The following ATRIP variants were observed in gnomAD, a reference collection of about 807,000 sequenced individuals.
ATRIP encodes the protein ATR-interacting protein.
Under a neutral mutation model 78.1 loss-of-function variants are expected in ATRIP, and 44 were observed. The observed-to-expected ratio is 0.56, with a 90% CI of 0.44 to 0.72. ATRIP has a LOEUF of 0.72. ATRIP is among the 30% of genes least tolerant of loss of function. The pLI, the probability that ATRIP is intolerant of heterozygous loss-of-function variation, is 0.00. For synonymous variants in ATRIP, 388 were observed against 408.9 expected, an observed-to-expected ratio of 0.95 and a Z score of 0.62; for missense variants, 927 against 980.2, an observed-to-expected ratio of 0.95 and a Z score of 0.72.
At chr3:48,454,445 C>A in intron 4 of ATRIP, 27 bp downstream of exon 4, 2 of 1,544,782 alleles carry the variant, frequency 1.3e-6, no homozygotes, top group South Asian at 2.2e-5. Flanking sequence ...AGGGATAGTT[C>A]AGTTTTGCAT....
chr3:48,451,044 C>G (rs993848174), intron 2 of ATRIP, among the ~76,000 whole-genome samples: 2 of 151,592 alleles, frequency 1.3e-5, no homozygotes, highest in Non-Finnish European at 2.9e-5. Context: ...CAAAAATTAG[C>G]TAGGCATGGT....
intron 3 of ATRIP, among the ~76,000 whole-genome samples, chr3:48,453,814 C>T (rs970232618): frequency 6.6e-6 from 1 of 152,214 alleles, no homozygotes; most frequent in Non-Finnish European, 1.5e-5. Flanking sequence ...TTACACTCAT[C>T]ATTCTACTTA....
intron 5 of ATRIP, 39 bp from the exon 6 acceptor site, chr3:48,459,320 C>T: frequency 6.4e-7 from 1 of 1,551,916 alleles, no homozygotes; most frequent in Non-Finnish European, 8.9e-7. Flanking sequence ...GCCCATGCTT[C>T]TGGGCTCAAG....
At position 48,446,803 on chromosome 3, in the gene ATRIP, A is replaced by T. The variant is rs2039683251; in HGVS notation, c.-43A>T. On this transcript the variant is annotated 5_prime_UTR_variant, in exon 1 of 13. In the 5' UTR this introduces an upstream ATG that the reference lacks. Coordinates refer to ENST00000320211, the MANE Select transcript of ATRIP (RefSeq NM_130384.3). ...CAGTTCTCCGGCCTGGCGGCAGGCAAGTCTAGCTCGGCGCTGTCGGATACT... is the reference window on the plus strand; with the variant it reads ...CAGTTCTCCGGCCTGGCGGCAGGCATGTCTAGCTCGGCGCTGTCGGATACT... 1 of 1,366,892 alleles carries T rather than the reference A, an allele frequency of 7.3e-7. No homozygotes were observed. 84.7% of individuals were successfully genotyped at this position (1,366,892 alleles called of 1,614,324 possible). A position where few individuals can be genotyped will look rare whatever the true frequency, so the allele number is the denominator to read the frequency against.
Position 48,449,573 on chromosome 3 carries a change from C to T in ATRIP, c.248-464C>T, listed in dbSNP as rs188687260. 2.0e-5 allele frequency among the ~76,000 whole-genome samples: 3 copies of T among 151,198 alleles called. No individual in the cohort carries two copies. The East Asian group carries it at 5.8e-4, about 29-fold the overall frequency. On this transcript the variant is annotated intron_variant, in intron 1 of 12. Transcript: ENST00000320211. ...GCAAAGGCAGGAGGATTGCTTAAGCCCAGGAGTTCAAGACCAACCTGGGCA... is the reference window on the plus strand; with the variant it reads ...GCAAAGGCAGGAGGATTGCTTAAGCTCAGGAGTTCAAGACCAACCTGGGCA...
In ATRIP at chr3:48,467,517, C is replaced by T; in HGVS notation, c.*1963C>T. 6.2e-7 allele frequency: 1 copy of T among 1,613,742 alleles called. No individual in the cohort carries two copies. The highest frequency in any genetic ancestry group is 8.5e-7 in the Non-Finnish European group (1 of 1,179,804). On this transcript the variant is annotated 3_prime_UTR_variant, in exon 13 of 13. Coordinates refer to ENST00000320211, the MANE Select transcript of ATRIP (RefSeq NM_130384.3). ...TGGAGCCCTATCCAGGGAGGGGCTG[C>T]TGGCCCCACTGGGTCTGCTGGCCAT...
chr3:48,454,042 T>C (rs528395636), intron 3 of ATRIP, among the ~76,000 whole-genome samples: 4 of 152,294 alleles, frequency 2.6e-5, no homozygotes, highest in East Asian at 3.9e-4. Flanking sequence ...ATTACAGGCC[T>C]GAACCACCAC....
chr3:48,462,816 A>C (rs1188162955), intron 8 of ATRIP, among the ~76,000 whole-genome samples: 1 of 152,234 alleles, frequency 6.6e-6, no homozygotes, highest in African/African-American at 2.4e-5. Flanking sequence ...TGGACATCTT[A>C]CAGCCCAATA....
intron 5 of ATRIP, among the ~76,000 whole-genome samples, 180 bp from the exon 6 acceptor site, chr3:48,459,179 G>A (rs1328453502): frequency 2.6e-5 from 4 of 152,170 alleles, no homozygotes; most frequent in African/African-American, 9.7e-5. Flanking sequence ...TTCCTTGTAT[G>A]AGTTCCTGTT....
At chr3:48,459,274 T>G in intron 5 of ATRIP, 85 bp from the exon 6 acceptor site, 2 of 1,109,584 alleles carry the variant, frequency 1.8e-6, no homozygotes, top group Non-Finnish European at 1.4e-6. Context: ...GAACAGCGTG[T>G]GTTTTAAACT....
intron 2 of ATRIP, 23 bp downstream of exon 2, chr3:48,450,193 T>C (rs761952854): frequency 3.8e-6 from 6 of 1,598,006 alleles, no homozygotes; most frequent in Non-Finnish European, 5.1e-6. Context: ...ACTTGTGGTT[T>C]TTGTAGCTAA....
chr3:48,467,288 AC>A lies in ATRIP; in HGVS notation c.*1736del, dbSNP rs756664985. On this transcript the variant is annotated 3_prime_UTR_variant, in exon 13 of 13. Transcript: ENST00000320211. ...CCCTGCTCAGCATCTGTCAGTGGAG[AC>A]CACAGGCCCTGCTGCGGTGGGTGGA... 3 of 1,613,966 alleles carry A rather than the reference AC, an allele frequency of 1.9e-6. No homozygotes were observed. The highest frequency in any genetic ancestry group is 2.5e-6 in the Non-Finnish European group (3 of 1,180,022).
chr3:48,466,510 G>A lies in ATRIP; in HGVS notation c.*956G>A, dbSNP rs760207170. The A allele has an allele frequency of 9.3e-6, 15 of 1,613,926 alleles. No individual in the cohort carries two copies. The highest frequency in any genetic ancestry group is 1.3e-5 in the Non-Finnish European group (15 of 1,179,974). ...CTGAAAATGGGCCCTGGAGCTCGCAGACAGGGCAGGATTGTGCAGGGAAGG... is the reference window on the plus strand; with the variant it reads ...CTGAAAATGGGCCCTGGAGCTCGCAAACAGGGCAGGATTGTGCAGGGAAGG... On this transcript the variant is annotated 3_prime_UTR_variant, in exon 13 of 13. Transcript: ENST00000320211.
At position 48,464,928 on chromosome 3, in the gene ATRIP, G is replaced by A. The variant is rs533749134; in HGVS notation, c.2153G>A (p.Arg718His). Residue 718 changes from arginine to histidine, a missense_variant, in exon 12 of 13, where the codon CGC (arginine) becomes CAC (histidine). By Grantham distance (29) the Arg-to-His change is conservative (BLOSUM62 0). Coordinates refer to ENST00000320211, the MANE Select transcript of ATRIP (RefSeq NM_130384.3). ...ACCGACCAGCAGAGGCGGACAGTGC[G>A]CTGTCTGCGGGACACGGTGCTGCTG... ...PRTDQQRRTV[R>H]CLRDTVLLLH... 3.7e-5 allele frequency: 59 copies of A among 1,614,166 alleles called. No individual in the cohort carries two copies. Among genetic ancestry groups the A allele is most frequent in the Middle Eastern group, 1.6e-4 (1 of 6,062 alleles).
intron 10 of ATRIP, 62 bp downstream of exon 10, chr3:48,464,194 C>T: frequency 7.2e-7 from 1 of 1,389,402 alleles, no homozygotes; most frequent in Non-Finnish European, 1.0e-6. Context: ...CCAACAGAAT[C>T]TCCTTTCTTT....
intron 3 of ATRIP, among the ~76,000 whole-genome samples, chr3:48,454,000 TC>T (rs1432956420): frequency 6.6e-6 from 1 of 152,094 alleles, no homozygotes; most frequent in African/African-American, 2.4e-5. Flanking sequence ...GCTCAAATGA[TC>T]CTCCCGCCTC....
chr3:48,446,888 C>A lies in ATRIP; in HGVS notation c.43C>A (p.Pro15Thr). ...SAPGSKRRSEPPAPRPGPPPG... is the reference protein window; with the variant it reads ...SAPGSKRRSETPAPRPGPPPG... ...GCCAGGCAGCAAGAGGCGGAGCGAG[C>A]CCCCGGCGCCTCGCCCCGGCCCGCC... Residue 15 changes from proline (P) to threonine (T), a missense_variant, in exon 1 of 13, where the codon CCC becomes ACC. Transcript: ENST00000320211. 2.1e-6 allele frequency: 3 copies of A among 1,395,958 alleles called. No individual in the cohort carries two copies. Among genetic ancestry groups the A allele is most frequent in the Middle Eastern group, 2.5e-4 (1 of 3,958 alleles). 86.5% of individuals were successfully genotyped at this position (1,395,958 alleles called of 1,614,324 possible). A position where few individuals can be genotyped will look rare whatever the true frequency, so the allele number is the denominator to read the frequency against.
Position 48,446,879 on chromosome 3 carries a change from C to G in ATRIP, c.34C>G (p.Arg12Gly). 7.1e-7 allele frequency: 1 copy of G among 1,400,376 alleles called. No homozygotes were observed. Among genetic ancestry groups the G allele is most frequent in the African/African-American group, 1.5e-5 (1 of 66,704 alleles). The allele number at this position is 1,400,376 out of a possible 1,614,324, so 86.7% of individuals were successfully genotyped here. A position where few individuals can be genotyped will look rare whatever the true frequency, so the allele number is the denominator to read the frequency against. Reference sequence around the variant, plus strand: ...GACCTCCGCGCCAGGCAGCAAGAGGCGGAGCGAGCCCCCGGCGCCTCGCCC... The same window carrying G: ...GACCTCCGCGCCAGGCAGCAAGAGGGGGAGCGAGCCCCCGGCGCCTCGCCC... ...AGTSAPGSKRRSEPPAPRPGP... is the reference protein window; with the variant it reads ...AGTSAPGSKRGSEPPAPRPGP... Residue 12 changes from arginine to glycine, a missense_variant, in exon 1 of 13, where the codon CGG becomes GGG. Physicochemically the swap from Arg to Gly is moderately radical, Grantham distance 125 (BLOSUM62 -2). Transcript: ENST00000320211.
Position 48,465,610 on chromosome 3 carries a change from T to G in ATRIP, c.*56T>G, listed in dbSNP as rs967843729. 41 of 1,514,066 alleles carry G rather than the reference T, an allele frequency of 2.7e-5. No individual in the cohort carries two copies. The African/African-American group carries it at 5.1e-4, about 19-fold the overall frequency. The allele number at this position is 1,514,066 out of a possible 1,614,324, so 93.8% of individuals were successfully genotyped here. On this transcript the variant is annotated 3_prime_UTR_variant, in exon 13 of 13. Coordinates refer to ENST00000320211, the MANE Select transcript of ATRIP (RefSeq NM_130384.3). ...CAGCACCACTCCTTTCCTTACCACATCAACTGATTAAAGCAGTGACCAGCA... is the reference window on the plus strand; with the variant it reads ...CAGCACCACTCCTTTCCTTACCACAGCAACTGATTAAAGCAGTGACCAGCA...
Sources: gnomAD v4.1 joint callset for allele counts (sites outside exome capture counted in the v4.1 genomes callset) on GRCh38, gnomAD v4.1.1 for gene constraint, MANE v1.5 for transcripts, NCBI Gene and HGNC (gene_info 2026-07-23, HGNC 2026-07-21) for gene names.